HEATR5A: variants seen among roughly 807,000 people sequenced by gnomAD.
HEATR5A encodes the protein HEAT repeat-containing protein 5A.
A neutral mutation model predicts 218.8 loss-of-function variants in HEATR5A; 178 were observed. That is an observed-to-expected ratio of 0.81 (90% confidence interval 0.72 to 0.92). HEATR5A has a LOEUF of 0.92. Among genes scored for constraint, HEATR5A ranks in the 40% least tolerant of loss-of-function variants. The pLI, the probability that HEATR5A is intolerant of heterozygous loss-of-function variation, is 0.00. For synonymous variants in HEATR5A, 864 were observed against 871.6 expected, an observed-to-expected ratio of 0.99 and a Z score of 0.15; for missense variants, 2,420 against 2,418.9, an observed-to-expected ratio of 1.00 and a Z score of -0.01.
intron 4 of HEATR5A, among the ~76,000 whole-genome samples, chr14:31,396,791 T>C (rs1695436372): frequency 1.3e-5 from 2 of 152,204 alleles, no homozygotes; most frequent in Admixed American, 6.5e-5. Context: ...GTAGGGAATA[T>C]GGCTCAAGGA....
intron 34 of HEATR5A, among the ~76,000 whole-genome samples, chr14:31,294,670 C>T (rs548810845): frequency 3.0e-4 from 46 of 152,076 alleles, no homozygotes; most frequent in African/African-American, 1.0e-3. Flanking sequence ...CTTGGCCTCC[C>T]GAAGTGCTGG....
chr14:31,406,210 C>T (rs1483410196), intron 1 of HEATR5A, among the ~76,000 whole-genome samples: 1 of 152,054 alleles, frequency 6.6e-6, no homozygotes, highest in Non-Finnish European at 1.5e-5. Context: ...GCTTATTTTT[C>T]TAATTTTTCT....
intron 1 of HEATR5A, among the ~76,000 whole-genome samples, chr14:31,408,379 C>G (rs1595185551): frequency 6.6e-6 from 1 of 152,068 alleles, no homozygotes; most frequent in Non-Finnish European, 1.5e-5. Context: ...CAGATTTATG[C>G]ATAATAGAAG....
intron 27 of HEATR5A, among the ~76,000 whole-genome samples, chr14:31,314,364 T>C (rs947613295): frequency 2.6e-5 from 4 of 152,128 alleles, no homozygotes; most frequent in African/African-American, 9.7e-5. Context: ...GCAATTCTCC[T>C]GCCTCAGCCT....
At chr14:31,357,765 GT>G (rs933928699) in intron 16 of HEATR5A, among the ~76,000 whole-genome samples, 32 of 152,288 alleles carry the variant, frequency 2.1e-4, no homozygotes, top group Admixed American at 5.2e-4. Flanking sequence ...ACAACATGAT[GT>G]TTTTAACGAG....
At chr14:31,306,573 T>C (rs1329792193) in intron 31 of HEATR5A, among the ~76,000 whole-genome samples, 159 bp downstream of exon 31, 1 of 152,224 alleles carries the variant, frequency 6.6e-6, no homozygotes, top group Non-Finnish European at 1.5e-5. Context: ...GAAGTTTCTC[T>C]CAATGTGTAG....
intron 33 of HEATR5A, among the ~76,000 whole-genome samples, chr14:31,301,508 T>A (rs900566626): frequency 6.6e-6 from 1 of 152,220 alleles, no homozygotes; most frequent in Admixed American, 6.5e-5. Flanking sequence ...GTTTCACATA[T>A]TAAGTTACTG....
At position 31,293,571 on chromosome 14, in the gene HEATR5A, A is replaced by G. The variant is rs1899083156; in HGVS notation, c.5875T>C (p.Phe1959Leu). Residue 1959 changes from phenylalanine to leucine, a missense_variant, in exon 36 of 36, where the codon TTC (phenylalanine) becomes CTC (leucine). By Grantham distance (22) the Phe-to-Leu change is conservative. Transcript: ENST00000543095. ...CCCAGAGAATTTTCATCCAAAAGGAAGGAAATGAGGATGGGCAAAAGACAG... is the reference window on the plus strand; with the variant it reads ...CCCAGAGAATTTTCATCCAAAAGGAGGGAAATGAGGATGGGCAAAAGACAG... ...VACLLPILIS[F>L]LLDENSLGSA... The G allele has an allele frequency of 1.1e-5, 17 of 1,613,428 alleles. No homozygotes were observed. The highest frequency in any genetic ancestry group is 1.4e-5 in the Non-Finnish European group (17 of 1,179,686).
chr14:31,315,619 C>G (rs529275483), intron 27 of HEATR5A, 151 bp downstream of exon 27: 2 of 568,580 alleles, frequency 3.5e-6, no homozygotes, highest in Admixed American at 3.2e-5. Context: ...AACATATTAA[C>G]ATATAAATAC....
At chr14:31,301,243 G>T (rs1207276139) in intron 33 of HEATR5A, among the ~76,000 whole-genome samples, 1 of 152,032 alleles carries the variant, frequency 6.6e-6, no homozygotes, top group Admixed American at 6.5e-5. Context: ...GAAAAAAAGA[G>T]AAACAAGTTT....
At chr14:31,329,524 T>A (rs1280276795) in intron 22 of HEATR5A, among the ~76,000 whole-genome samples, 7 of 152,196 alleles carry the variant, frequency 4.6e-5, no homozygotes, top group African/African-American at 1.7e-4. Context: ...TGATTCCATG[T>A]CTCATATCCA....
intron 22 of HEATR5A, chr14:31,334,531 C>A: frequency 2.3e-6 from 1 of 437,478 alleles, no homozygotes; most frequent in Non-Finnish European, 4.6e-6. Flanking sequence ...TTTGAGAGAA[C>A]TGATTCTAGT....
In HEATR5A at chr14:31,374,961, T is replaced by C. The variant is rs768004073; in HGVS notation, c.1716A>G (p.Ala572=). 8.7e-6 allele frequency: 14 copies of C among 1,603,148 alleles called. No homozygotes were observed. The highest frequency in any genetic ancestry group is 1.2e-5 in the Non-Finnish European group (14 of 1,175,236). Residue 572 remains alanine (A), a synonymous_variant, in exon 12 of 36, where the codon GCA becomes GCG. Transcript: ENST00000543095. ...LISALMTLGP[A]VVSHHLARVL... is the part of the protein sequence containing the mutation. ...CTCGAGCAAGGTGATGGCTAACAAC[T>C]GCAGGACCTGTAATTTATTCAACTT...
chr14:31,321,923 AT>A (rs1376476746), intron 24 of HEATR5A, among the ~76,000 whole-genome samples: 2 of 152,180 alleles, frequency 1.3e-5, no homozygotes, highest in Non-Finnish European at 2.9e-5. Flanking sequence ...CAGAATTAGC[AT>A]TTTTTAAGTG....
chr14:31,351,509 A>AAAGG (rs1901228587), intron 16 of HEATR5A, among the ~76,000 whole-genome samples: 1 of 42,010 alleles, frequency 2.4e-5, no homozygotes, highest in Non-Finnish European at 6.2e-5. Flanking sequence ...AGAAAGAAAG[A>AAAGG]AAAAAAAAAA....
At position 31,329,637 on chromosome 14, in the gene HEATR5A, T is replaced by C. The variant is rs368428365; in HGVS notation, c.3368-3295A>G. Reference sequence around the variant, plus strand: ...GCCCCACCTACTTTCACAGCTGGCGTTGAGTATATGTGGCTTTTTCAGGCG... The same window carrying C: ...GCCCCACCTACTTTCACAGCTGGCGCTGAGTATATGTGGCTTTTTCAGGCG... On this transcript the variant is annotated intron_variant, in intron 22 of 35. Transcript: ENST00000543095. Among the ~76,000 whole-genome samples, 10 of 152,108 alleles carry C rather than the reference T, an allele frequency of 6.6e-5. No individual in the cohort carries two copies. The East Asian group carries it at 9.6e-4, about 15-fold the overall frequency.
chr14:31,347,909 T>C lies in HEATR5A; in HGVS notation c.2709-2A>G. 6.8e-7 allele frequency: 1 copy of C among 1,477,674 alleles called. No individual in the cohort carries two copies. Among genetic ancestry groups the C allele is most frequent in the Non-Finnish European group, 9.0e-7 (1 of 1,112,546 alleles). The allele number at this position is 1,477,674 out of a possible 1,614,324, so 91.5% of individuals were successfully genotyped here. A position where few individuals can be genotyped will look rare whatever the true frequency, so the allele number is the denominator to read the frequency against. On this transcript the variant is annotated splice_acceptor_variant, in intron 18 of 35. Transcript: ENST00000543095. LOFTEE classifies it high-confidence loss of function. ...ACCACATCCCTTGCTGATTTCAATC[T>C]GTAAATATAAAAATAAAAATAAACG...
chr14:31,418,326 T>G (rs1269586211), intron 1 of HEATR5A, among the ~76,000 whole-genome samples: 5 of 152,198 alleles, frequency 3.3e-5, no homozygotes, highest in Non-Finnish European at 5.9e-5. Context: ...GTCCACTAAT[T>G]TTTTTCTGTA....
chr14:31,405,843 T>C (rs12587817), intron 1 of HEATR5A, among the ~76,000 whole-genome samples: 144,895 of 152,246 alleles, frequency 0.95, 69,312 homozygotes, highest in Non-Finnish European at 1. Context: ...TAAAATGATC[T>C]ATCAAGAAGC....
Sources: gnomAD v4.1 joint callset for allele counts (sites outside exome capture counted in the v4.1 genomes callset) on GRCh38, gnomAD v4.1.1 for gene constraint, MANE v1.5 for transcripts, NCBI Gene and HGNC (gene_info 2026-07-23, HGNC 2026-07-21) for gene names.